The following SPATA17 variants were observed in gnomAD, a reference collection of about 807,000 sequenced individuals.
The protein encoded by SPATA17 is spermatogenesis-associated protein 17.
Under a neutral mutation model 62.2 loss-of-function variants are expected in SPATA17, and 53 were observed. The observed-to-expected ratio is 0.85, with a 90% CI of 0.68 to 1.07. SPATA17 has a LOEUF of 1.07. SPATA17 is among the 50% of genes least tolerant of loss of function. The pLI is 0.00. For synonymous variants in SPATA17, 146 were observed against 146.8 expected, an observed-to-expected ratio of 0.99 and a Z score of 0.04; for missense variants, 466 against 425.5, an observed-to-expected ratio of 1.10 and a Z score of -0.84.
At chr1:217,842,501 C>A (rs1675432017) in intron 9 of SPATA17, among the ~76,000 whole-genome samples, 1 of 151,574 alleles carries the variant, frequency 6.6e-6, no homozygotes. Context: ...ATTTCTATTT[C>A]TTATTTTGTT....
intron 1 of SPATA17, among the ~76,000 whole-genome samples, chr1:217,647,038 T>C (rs1670198308): frequency 6.6e-6 from 1 of 152,246 alleles, no homozygotes. Flanking sequence ...TATCTTCTTC[T>C]GTCAAATGGG....
intron 10 of SPATA17, 119 bp downstream of exon 10, chr1:217,862,975 AATAAGACTCC>A (rs1449354810): frequency 1.9e-6 from 1 of 531,966 alleles, no homozygotes. Flanking sequence ...TATTTTATGT[AATAAGACTCC>A]ATAAATTTCC....
At chr1:217,670,515 T>A (rs1400798252) in intron 4 of SPATA17, among the ~76,000 whole-genome samples, 1 of 152,146 alleles carries the variant, frequency 6.6e-6, no homozygotes, top group Non-Finnish European at 1.5e-5. Context: ...TGGAAGGCAG[T>A]TTTTTACTTA....
chr1:217,787,109 A>T lies in SPATA17; in HGVS notation c.872+4787A>T, dbSNP rs569441100. Among the ~76,000 whole-genome samples the T allele has an allele frequency of 1.8e-4, 28 of 152,062 alleles. No individual in the cohort carries two copies. In the South Asian group the frequency reaches 5.6e-3, roughly 30 times the overall value. On this transcript the variant is annotated intron_variant, in intron 8 of 10. Transcript: ENST00000366933. ...TCCTATGAGTCCTCAAGTCCTGTTT[A>T]TTCTACCTTTTAAGTTTTTCTCAAA...
At chr1:217,658,631 G>T (rs536450318) in intron 3 of SPATA17, among the ~76,000 whole-genome samples, 1 of 152,040 alleles carries the variant, frequency 6.6e-6, no homozygotes, top group Non-Finnish European at 1.5e-5. Flanking sequence ...GGTGGCAGGT[G>T]CCTGTAGTCC....
intron 9 of SPATA17, among the ~76,000 whole-genome samples, chr1:217,854,737 C>A (rs901035554): frequency 6.6e-6 from 1 of 152,098 alleles, no homozygotes; most frequent in East Asian, 1.9e-4. Context: ...TTGGGAGGAC[C>A]CTGATGATGT....
chr1:217,820,931 G>A (rs1342662089), intron 9 of SPATA17, among the ~76,000 whole-genome samples: 2 of 152,036 alleles, frequency 1.3e-5, no homozygotes, highest in Non-Finnish European at 2.9e-5. Flanking sequence ...TCAGCTTCTC[G>A]TGAGGGATTT....
At chr1:217,665,420 A>G (rs1020552267) in intron 3 of SPATA17, 2 of 152,338 alleles carry the variant, frequency 1.3e-5, no homozygotes, top group South Asian at 4.1e-4. Context: ...TACAAAATTA[A>G]TCTAGAAGAA....
At chr1:217,706,269 G>A (rs980304519) in intron 5 of SPATA17, among the ~76,000 whole-genome samples, 1 of 152,146 alleles carries the variant, frequency 6.6e-6, no homozygotes, top group African/African-American at 2.4e-5. Context: ...GATAGGAATA[G>A]CATTGAGCCT....
At chr1:217,706,272 T>A (rs567418679) in intron 5 of SPATA17, among the ~76,000 whole-genome samples, 1 of 152,222 alleles carries the variant, frequency 6.6e-6, no homozygotes, top group East Asian at 1.9e-4. Context: ...AGGAATAGCA[T>A]TGAGCCTGTA....
chr1:217,732,018 T>G (rs1203585806), intron 5 of SPATA17, among the ~76,000 whole-genome samples: 1 of 152,120 alleles, frequency 6.6e-6, no homozygotes, highest in Non-Finnish European at 1.5e-5. Flanking sequence ...CCTTTCCTTC[T>G]AAATCTATCC....
intron 5 of SPATA17, among the ~76,000 whole-genome samples, chr1:217,685,967 C>T (rs565018222): frequency 3.3e-5 from 5 of 152,242 alleles, no homozygotes; most frequent in Middle Eastern, 3.4e-3. Context: ...TAATCTCTTA[C>T]TGTGCCTAAT....
chr1:217,777,592 G>C (rs1418673489), intron 7 of SPATA17, among the ~76,000 whole-genome samples: 1 of 152,036 alleles, frequency 6.6e-6, no homozygotes, highest in Non-Finnish European at 1.5e-5. Flanking sequence ...AGTAGATATA[G>C]GGTTTCACCA....
chr1:217,812,541 G>A (rs1423276733), intron 9 of SPATA17, among the ~76,000 whole-genome samples: 1 of 152,038 alleles, frequency 6.6e-6, no homozygotes, highest in Non-Finnish European at 1.5e-5. Flanking sequence ...AAGTTAAGTT[G>A]TTAGATTCTA....
chr1:217,844,903 T>C (rs1675489316), intron 9 of SPATA17, among the ~76,000 whole-genome samples: 1 of 152,150 alleles, frequency 6.6e-6, no homozygotes, highest in African/African-American at 2.4e-5. Context: ...TGGGGGAGGC[T>C]GTGCTTTTTG....
chr1:217,796,391 T>TAAA (rs1674152695), intron 8 of SPATA17, among the ~76,000 whole-genome samples: 1 of 152,026 alleles, frequency 6.6e-6, no homozygotes. Flanking sequence ...ATAATAATAA[T>TAAA]AAATCCAGGG....
chr1:217,770,756 G>A (rs1673417285), intron 6 of SPATA17, among the ~76,000 whole-genome samples: 1 of 151,926 alleles, frequency 6.6e-6, no homozygotes, highest in South Asian at 2.1e-4. Flanking sequence ...TTAAGTATAA[G>A]AATAAAAACT....
intron 6 of SPATA17, among the ~76,000 whole-genome samples, chr1:217,756,229 T>C (rs1394179060): frequency 6.6e-6 from 1 of 152,160 alleles, no homozygotes; most frequent in Non-Finnish European, 1.5e-5. Context: ...CTTTTTTTAA[T>C]GAAACAAGAT....
intron 9 of SPATA17, among the ~76,000 whole-genome samples, chr1:217,861,637 A>G (rs1333249620): frequency 2.0e-5 from 3 of 152,188 alleles, no homozygotes; most frequent in Admixed American, 6.5e-5. Context: ...GCAAGAATAT[A>G]GATGCTCAGC....
Sources: allele counts gnomAD v4.1 joint callset (sites outside exome capture counted in the v4.1 genomes callset), GRCh38; gene constraint gnomAD v4.1.1; transcripts MANE v1.5; gene names NCBI Gene and HGNC (gene_info 2026-07-23, HGNC 2026-07-21).